Variants in STK39 observed in about 807,000 individuals in gnomAD.
STK39 encodes the protein serine/threonine kinase 39, also known as STE20/SPS1-related proline-alanine-rich protein kinase.
STK39 carries 20 observed loss-of-function variants against 77.8 expected under a neutral mutation model. The observed-to-expected ratio is 0.26, with a 90% CI of 0.18 to 0.37. The LOEUF is 0.37. Ranked by LOEUF, STK39 falls within the 10% of genes least tolerant of loss-of-function variation. STK39 has a pLI of 1.00. For synonymous variants in STK39, 246 were observed against 234.1 expected (o/e 1.05, Z -0.47); for missense variants, 479 against 656.5 (o/e 0.73, Z 2.95).
At chr2:168,057,569 C>T (rs6710235) in intron 14 of STK39, among the ~76,000 whole-genome samples, 16,391 of 152,110 alleles carry the variant, frequency 0.11, 1,181 homozygotes, top group Admixed American at 0.17. Flanking sequence ...CGCATGCACG[C>T]GCACACACAC....
intron 1 of STK39, among the ~76,000 whole-genome samples, chr2:168,200,022 T>C (rs1215767021): frequency 6.6e-6 from 1 of 152,206 alleles, no homozygotes; most frequent in African/African-American, 2.4e-5. Flanking sequence ...AGATAGTATC[T>C]GACCTGAATC....
chr2:168,040,649 TTTAA>T (rs1327735899), intron 14 of STK39, among the ~76,000 whole-genome samples: 1 of 152,222 alleles, frequency 6.6e-6, no homozygotes, highest in African/African-American at 2.4e-5. Flanking sequence ...AAATATAGAC[TTTAA>T]TTAATAATTA....
At chr2:168,173,107 T>C (rs1688869323) in intron 2 of STK39, among the ~76,000 whole-genome samples, 1 of 152,164 alleles carries the variant, frequency 6.6e-6, no homozygotes, top group Non-Finnish European at 1.5e-5. Flanking sequence ...TTCAATGAAA[T>C]GGTGAGAGAA....
At chr2:168,135,275 C>T (rs897975173) in intron 8 of STK39, among the ~76,000 whole-genome samples, 2 of 151,066 alleles carry the variant, frequency 1.3e-5, no homozygotes, top group East Asian at 3.9e-4. Context: ...AGGCAAATAA[C>T]GAATGGCAAT....
intron 1 of STK39, among the ~76,000 whole-genome samples, chr2:168,209,445 G>T (rs142442145): frequency 6.6e-6 from 1 of 152,060 alleles, no homozygotes; most frequent in Non-Finnish European, 1.5e-5. Flanking sequence ...GGGAGGCGGA[G>T]GTGGGCAGAT....
rs1574446673 is a variant in STK39 at position 168,078,768 on chromosome 2, C to G, written c.1090-3537G>C. Among the ~76,000 whole-genome samples, 8 of 151,432 alleles carry G rather than the reference C, an allele frequency of 5.3e-5. No homozygotes were observed. In the East Asian group the frequency reaches 1.6e-3, roughly 30 times the overall value. ...AAAAAAAAAAAAAAAAAGGAAAGCA[C>G]CCACTAGCCTCTCCCACTGCCACAT... On this transcript the variant is annotated intron_variant, in intron 10 of 17. Coordinates refer to ENST00000355999, the MANE Select transcript of STK39 (RefSeq NM_013233.3).
intron 2 of STK39, among the ~76,000 whole-genome samples, chr2:168,170,296 A>C (rs1688792049): frequency 6.6e-6 from 1 of 152,174 alleles, no homozygotes; most frequent in Non-Finnish European, 1.5e-5. Context: ...AGGAAAAGAC[A>C]TTCATTACCA....
chr2:167,986,866 C>T (rs951028091), intron 16 of STK39, among the ~76,000 whole-genome samples: 5 of 151,984 alleles, frequency 3.3e-5, no homozygotes, highest in African/African-American at 7.3e-5. Flanking sequence ...AGTACGAAGA[C>T]GAGTCACAAG....
Position 167,964,701 on chromosome 2 carries a change from T to C in STK39, c.1524A>G (p.Val508=). 6.2e-7 allele frequency: 1 copy of C among 1,611,630 alleles called. No homozygotes were observed. The highest frequency in any genetic ancestry group is 8.5e-7 in the Non-Finnish European group (1 of 1,179,092). Residue 508 remains valine, a synonymous_variant, in exon 17 of 18, where the codon GTA becomes GTG. Coordinates refer to ENST00000355999, the MANE Select transcript of STK39 (RefSeq NM_013233.3). The part of the protein sequence containing the change: ...VIVAANLQKI[V]DDPKALKTLT... ...ATGTTTTTAAAGCTTTGGGATCATC[T>C]ACAATCTTCTGTAAATTAGCAGCCA...
At chr2:168,196,727 C>T (rs1195862776) in intron 1 of STK39, among the ~76,000 whole-genome samples, 1 of 152,104 alleles carries the variant, frequency 6.6e-6, no homozygotes, top group Non-Finnish European at 1.5e-5. Flanking sequence ...AATACTTGAG[C>T]TATGGTGGTC....
chr2:168,032,046 C>A (rs16854583), intron 14 of STK39, among the ~76,000 whole-genome samples: 36,546 of 151,988 alleles, frequency 0.24, 4,794 homozygotes, highest in East Asian at 0.35. Context: ...TACCAGCCAC[C>A]CTAATTGGAA....
At chr2:168,147,913 G>A (rs944995009) in intron 5 of STK39, among the ~76,000 whole-genome samples, 1 of 152,128 alleles carries the variant, frequency 6.6e-6, no homozygotes, top group African/African-American at 2.4e-5. Context: ...CAGAATCAGA[G>A]GCATGCCTCT....
intron 10 of STK39, among the ~76,000 whole-genome samples, chr2:168,095,424 C>T (rs1428072310): frequency 2.0e-5 from 3 of 152,066 alleles, no homozygotes; most frequent in Non-Finnish European, 4.4e-5. Context: ...TAAGGAAAGA[C>T]CTCCAAAGAG....
intron 10 of STK39, among the ~76,000 whole-genome samples, chr2:168,111,307 G>T (rs1474400628): frequency 6.6e-6 from 1 of 152,122 alleles, no homozygotes; most frequent in Non-Finnish European, 1.5e-5. Context: ...ATTCAAGTTA[G>T]ATGTTTAGCT....
chr2:167,962,435 T>TAA (rs1261294876), intron 17 of STK39, among the ~76,000 whole-genome samples: 2 of 152,188 alleles, frequency 1.3e-5, no homozygotes. Flanking sequence ...TCCTGGGGCC[T>TAA]AACAAGGGCT....
intron 10 of STK39, among the ~76,000 whole-genome samples, chr2:168,077,198 A>G (rs530529794): frequency 6.3e-4 from 96 of 152,332 alleles, no homozygotes; most frequent in Admixed American, 1.2e-3. Context: ...AGGATAGCTG[A>G]TGAATTAGTA....
At chr2:167,984,868 AT>A (rs1683517431) in intron 16 of STK39, among the ~76,000 whole-genome samples, 1 of 152,182 alleles carries the variant, frequency 6.6e-6, no homozygotes, top group Non-Finnish European at 1.5e-5. Flanking sequence ...TTTAAAATAC[AT>A]TTTCAAATGA....
chr2:168,219,578 T>A lies in STK39; in HGVS notation c.208+27650A>T, dbSNP rs1690112615. 2.0e-5 allele frequency among the ~76,000 whole-genome samples: 3 copies of A among 152,090 alleles called. No homozygotes were observed. The South Asian group carries it at 6.2e-4, about 32-fold the overall frequency. On this transcript the variant is annotated intron_variant, in intron 1 of 17. Transcript: ENST00000355999. ...CCAATGCCAGTCAGACAGATGCCCT[T>A]AGCTAAAGAAAAAGAAAACATATCT...
chr2:168,240,488 G>A (rs988262575), intron 1 of STK39, among the ~76,000 whole-genome samples: 13 of 152,228 alleles, frequency 8.5e-5, no homozygotes, highest in African/African-American at 2.9e-4. Context: ...CTGACATGAA[G>A]AGTCAGAGTC....
Sources: allele counts gnomAD v4.1 joint callset (sites outside exome capture counted in the v4.1 genomes callset), GRCh38; gene constraint gnomAD v4.1.1; transcripts MANE v1.5; gene names NCBI Gene and HGNC (gene_info 2026-07-23, HGNC 2026-07-21).